The following CALN1 variants were observed in gnomAD, a reference collection of about 807,000 sequenced individuals.
CALN1 encodes calcium-binding protein 8.
CALN1 carries 17 observed loss-of-function variants against 30.6 expected under a neutral mutation model. The ratio of observed to expected loss-of-function variants is 0.56; its 90% CI spans 0.38 to 0.83. CALN1 has a LOEUF of 0.83. CALN1 is among the 40% of genes least tolerant of loss of function. The pLI, the probability that CALN1 is intolerant of heterozygous loss-of-function variation, is 0.00. For synonymous variants in CALN1, 156 were observed against 131.4 expected, an observed-to-expected ratio of 1.19 and a Z score of -1.28; for missense variants, 291 against 354.9, an observed-to-expected ratio of 0.82 and a Z score of 1.45.
chr7:71,932,764 C>T (rs1223812967), intron 5 of CALN1, among the ~76,000 whole-genome samples: 2 of 146,064 alleles, frequency 1.4e-5, no homozygotes, highest in South Asian at 2.2e-4. Flanking sequence ...TACAGTGAGC[C>T]GAGATCGCAT....
Position 71,781,889 on chromosome 7 carries a change from C to T in CALN1, c.*5886G>A, listed in dbSNP as rs982017327. ...TCAGAGGACTGTCTTGTGGGTGGGA[C>T]TGGAAAAACCTCATTCTTTGTGATA... On this transcript the variant is annotated 3_prime_UTR_variant, in exon 7 of 7. Transcript: ENST00000395275. The T allele has an allele frequency of 6.6e-6, 1 of 152,114 alleles. No individual in the cohort carries two copies. The highest frequency in any genetic ancestry group is 2.4e-5 in the African/African-American group (1 of 41,422). The allele number at this position is 152,114 out of a possible 1,614,324, so 9.4% of individuals were successfully genotyped here. A position where few individuals can be genotyped will look rare whatever the true frequency, so the allele number is the denominator to read the frequency against.
At chr7:72,352,835 C>T (rs1803006107) in intron 2 of CALN1, among the ~76,000 whole-genome samples, 2 of 151,762 alleles carry the variant, frequency 1.3e-5, no homozygotes, top group African/African-American at 4.8e-5. Flanking sequence ...AATAAAACAT[C>T]ATAAAATTAA....
intron 5 of CALN1, among the ~76,000 whole-genome samples, chr7:71,894,753 A>C (rs1424123407): frequency 1.3e-5 from 2 of 152,212 alleles, no homozygotes; most frequent in Non-Finnish European, 2.9e-5. Context: ...TTCTGAGAGC[A>C]TGATATGTTT....
intron 5 of CALN1, among the ~76,000 whole-genome samples, chr7:72,006,651 T>C (rs576475636): frequency 2.6e-4 from 39 of 152,194 alleles, no homozygotes; most frequent in Middle Eastern, 3.4e-3. Flanking sequence ...GAGGTTAGTA[T>C]TAATATTAGA....
intron 2 of CALN1, among the ~76,000 whole-genome samples, chr7:72,352,619 G>C (rs1418760860): frequency 6.6e-6 from 1 of 152,064 alleles, no homozygotes; most frequent in African/African-American, 2.4e-5. Flanking sequence ...ACAAGGTATT[G>C]AAATTGGTGA....
intron 2 of CALN1, among the ~76,000 whole-genome samples, chr7:72,370,783 A>G (rs369613514): frequency 1.3e-5 from 2 of 152,044 alleles, no homozygotes; most frequent in Non-Finnish European, 1.5e-5. Context: ...GCATGGGCTC[A>G]TGCCTATAAT....
intron 5 of CALN1, among the ~76,000 whole-genome samples, chr7:71,928,735 A>G (rs531166506): frequency 8.4e-4 from 128 of 152,248 alleles, no homozygotes; most frequent in African/African-American, 3.0e-3. Flanking sequence ...TATCGCCGCA[A>G]AAAGAAATAT....
At chr7:71,845,355 G>C (rs1406632812) in intron 5 of CALN1, among the ~76,000 whole-genome samples, 1 of 152,186 alleles carries the variant, frequency 6.6e-6, no homozygotes, top group Non-Finnish European at 1.5e-5. Flanking sequence ...TGAGGAGGAG[G>C]CCTAGGCAGG....
chr7:72,152,629 T>A (rs1359207025), intron 3 of CALN1, among the ~76,000 whole-genome samples: 1 of 152,196 alleles, frequency 6.6e-6, no homozygotes, highest in African/African-American at 2.4e-5. Flanking sequence ...AAACTTGAGA[T>A]GTTTCCCGGC....
At chr7:71,821,737 A>G (rs1788602245) in intron 5 of CALN1, among the ~76,000 whole-genome samples, 1 of 151,798 alleles carries the variant, frequency 6.6e-6, no homozygotes, top group Admixed American at 6.6e-5. Context: ...TTTTTGTATC[A>G]GTACAGCTAT....
intron 4 of CALN1, among the ~76,000 whole-genome samples, chr7:72,041,146 G>A (rs1379512967): frequency 6.6e-6 from 1 of 152,144 alleles, no homozygotes; most frequent in Non-Finnish European, 1.5e-5. Context: ...AGAGGCAGGA[G>A]ACAAAGGACA....
chr7:71,858,164 A>G (rs1320246934), intron 5 of CALN1, among the ~76,000 whole-genome samples: 3 of 152,138 alleles, frequency 2.0e-5, no homozygotes, highest in Non-Finnish European at 2.9e-5. Flanking sequence ...TCCTCATGAT[A>G]GTGAGTTCTC....
intron 2 of CALN1, among the ~76,000 whole-genome samples, chr7:72,363,108 G>A (rs945488363): frequency 5.3e-5 from 8 of 152,252 alleles, no homozygotes; most frequent in South Asian, 2.1e-4. Context: ...GGGGTCTGTC[G>A]TACAGATTAT....
At chr7:71,968,212 C>T (rs1165803103) in intron 5 of CALN1, among the ~76,000 whole-genome samples, 1 of 152,046 alleles carries the variant, frequency 6.6e-6, no homozygotes, top group Non-Finnish European at 1.5e-5. Flanking sequence ...AAAAAAGAAA[C>T]AGACTCGTAA....
intron 4 of CALN1, among the ~76,000 whole-genome samples, chr7:72,031,235 C>T (rs931966538): frequency 1.3e-5 from 2 of 152,142 alleles, no homozygotes; most frequent in African/African-American, 4.8e-5. Flanking sequence ...AGTGCTATGG[C>T]GACCAGGTAC....
intron 3 of CALN1, among the ~76,000 whole-genome samples, chr7:72,209,467 CCCTTCCCTTCTCCCTT>C (rs1219820999): frequency 2.8e-5 from 4 of 143,804 alleles, no homozygotes; most frequent in African/African-American, 5.2e-5. Flanking sequence ...CTTTCTTCCT[CCCTTCCCTTCTCCCTT>C]CCTTCCCTGC....
At chr7:71,970,971 G>T (rs916021429) in intron 5 of CALN1, among the ~76,000 whole-genome samples, 7 of 152,136 alleles carry the variant, frequency 4.6e-5, no homozygotes, top group African/African-American at 1.7e-4. Context: ...CATTCCCAGC[G>T]GAGGCAAGAA....
chr7:72,074,492 C>G (rs1262597128), intron 4 of CALN1, among the ~76,000 whole-genome samples: 1 of 152,202 alleles, frequency 6.6e-6, no homozygotes, highest in Non-Finnish European at 1.5e-5. Flanking sequence ...ACTGCAACCT[C>G]TGCCTCCCAC....
intron 3 of CALN1, among the ~76,000 whole-genome samples, chr7:72,142,180 C>G (rs34036599): frequency 0.23 from 35,120 of 152,038 alleles, 5,015 homozygotes; most frequent in East Asian, 0.67. Flanking sequence ...GAGGCATCGC[C>G]TGACCTGGGA....
Sources: gnomAD v4.1 joint callset for allele counts (sites outside exome capture counted in the v4.1 genomes callset) on GRCh38, gnomAD v4.1.1 for gene constraint, MANE v1.5 for transcripts, NCBI Gene and HGNC (gene_info 2026-07-23, HGNC 2026-07-21) for gene names.